The following NUMB variants were observed in gnomAD, a reference collection of about 807,000 sequenced individuals.
NUMB encodes the protein NUMB endocytic adaptor protein.
Under a neutral mutation model 59.7 loss-of-function variants are expected in NUMB, and 29 were observed. The ratio of observed to expected loss-of-function variants is 0.49; its 90% confidence interval spans 0.36 to 0.66. The LOEUF (loss-of-function observed/expected upper bound fraction) is 0.66. Ranked by LOEUF, NUMB falls within the 30% of genes least tolerant of loss-of-function variation. NUMB has a pLI of 0.00. For missense variants in NUMB, 723 were observed against 822.0 expected, an observed-to-expected ratio of 0.88 and a Z score of 1.47; for synonymous variants, 288 against 288.2, an observed-to-expected ratio of 1.00 and a Z score of 0.01.
chr14:73,285,203 GT>G (rs1382509407), intron 9 of NUMB: 1 of 152,156 alleles, frequency 6.6e-6, no homozygotes, highest in Non-Finnish European at 1.5e-5. Context: ...GCATGCAGTA[GT>G]AAAATTTTGA....
At chr14:73,381,806 GAATA>G (rs571077474) in intron 2 of NUMB, among the ~76,000 whole-genome samples, 257 of 152,050 alleles carry the variant, frequency 1.7e-3, no homozygotes, top group African/African-American at 5.9e-3. Context: ...GTTTAAAAAT[GAATA>G]AATAGTAATA....
At chr14:73,428,516 A>AG (rs772816349) in intron 1 of NUMB, among the ~76,000 whole-genome samples, 3 of 152,220 alleles carry the variant, frequency 2.0e-5, no homozygotes, top group Non-Finnish European at 4.4e-5. Context: ...AAACATGGCT[A>AG]GGCACAGCGC....
intron 1 of NUMB, among the ~76,000 whole-genome samples, chr14:73,451,410 C>A (rs2140209881): frequency 6.7e-6 from 1 of 150,220 alleles, no homozygotes; most frequent in Admixed American, 6.7e-5. Flanking sequence ...GCACTCCAGC[C>A]TGGGCAACAG....
At chr14:73,316,445 C>A (rs1276822758) in intron 5 of NUMB, 23 bp from the exon 6 acceptor site, 8 of 1,611,832 alleles carry the variant, frequency 5.0e-6, no homozygotes, top group Middle Eastern at 3.3e-4. Flanking sequence ...GGGGACAAGT[C>A]GAGTGCTATT....
At chr14:73,456,996 G>C (rs192741735) in intron 1 of NUMB, among the ~76,000 whole-genome samples, 1 of 151,778 alleles carries the variant, frequency 6.6e-6, no homozygotes, top group East Asian at 1.9e-4. Context: ...CAGTACACAC[G>C]ACTATGTGCC....
rs767484940 is a variant in NUMB, at chr14:73,279,320, G to A, written c.1201C>T (p.Pro401Ser). 3.1e-6 allele frequency: 5 copies of A among 1,614,006 alleles called. No homozygotes were observed. In the African/African-American group the frequency reaches 5.3e-5, roughly 17 times the overall value. Reference protein sequence around the residue: ...VRETNPWAHAPDAANKEIAAT... With the variant: ...VRETNPWAHASDAANKEIAAT... ...GCAATTTCCTTGTTAGCAGCATCAGGGGCATGGGCCCAAGGGTTGGTTTCA... is the reference window on the plus strand; with the variant it reads ...GCAATTTCCTTGTTAGCAGCATCAGAGGCATGGGCCCAAGGGTTGGTTTCA... The change falls in exon 12 of 13, where the codon CCT (proline) becomes TCT (serine). Residue 401 changes from proline (P) to serine (S), a missense_variant. By Grantham distance (74) the Pro-to-Ser change is moderately conservative. Around this residue, in one of 2 missense-constraint regions of NUMB, gnomAD observed 406 missense variants for 385.4 expected, o/e 1.05. Coordinates refer to ENST00000555238, the MANE Select transcript of NUMB (RefSeq NM_001005743.2).
At chr14:73,280,524 G>C (rs1888550686) in intron 11 of NUMB, among the ~76,000 whole-genome samples, 1 of 150,796 alleles carries the variant, frequency 6.6e-6, no homozygotes, top group African/African-American at 2.4e-5. Flanking sequence ...GTTAAAATCT[G>C]CTAACCCTTG....
intron 1 of NUMB, among the ~76,000 whole-genome samples, chr14:73,456,245 G>A (rs1383459205): frequency 6.6e-6 from 1 of 152,120 alleles, no homozygotes; most frequent in East Asian, 1.9e-4. Flanking sequence ...AAGTAGCTGG[G>A]ATTACAGGCA....
rs181199108 is a variant in NUMB, at chr14:73,349,104, T to C, written c.126+6522A>G. Among the ~76,000 whole-genome samples the C allele has an allele frequency of 3.3e-5, 5 of 152,352 alleles. No individual in the cohort carries two copies. The East Asian group carries it at 9.6e-4, about 29-fold the overall frequency. ...TTTTTCTTTTAACTGAACAAAATCA[T>C]ACTATATACATAGTTCTGCAGCTTG... On this transcript the variant is annotated intron_variant, in intron 4 of 12. Transcript: ENST00000555238.
chr14:73,419,696 C>T (rs575006532), intron 1 of NUMB, among the ~76,000 whole-genome samples: 29 of 152,038 alleles, frequency 1.9e-4, no homozygotes, highest in African/African-American at 7.0e-4. Flanking sequence ...AACAGAAAGT[C>T]CCACCCAAGA....
Position 73,431,256 on chromosome 14 carries a change from T to G in NUMB, c.-232-21188A>C, listed in dbSNP as rs1595031947. Among the ~76,000 whole-genome samples the G allele has an allele frequency of 2.1e-5, 3 of 145,266 alleles. No homozygotes were observed. The South Asian group carries it at 6.7e-4, about 33-fold the overall frequency. On this transcript the variant is annotated intron_variant, in intron 1 of 12. Coordinates refer to ENST00000555238, the MANE Select transcript of NUMB (RefSeq NM_001005743.2). Reference sequence around the variant, plus strand: ...AGGCATGAGCCACCGCACTTGGCTTTTCTTTTTTTTTTTTTTTGAGACAGA... The same window carrying G: ...AGGCATGAGCCACCGCACTTGGCTTGTCTTTTTTTTTTTTTTTGAGACAGA...
At chr14:73,454,878 C>T (rs1254511184) in intron 1 of NUMB, among the ~76,000 whole-genome samples, 1 of 152,110 alleles carries the variant, frequency 6.6e-6, no homozygotes, top group African/African-American at 2.4e-5. Context: ...CTCATTCTTC[C>T]ATCATTTGGT....
At chr14:73,299,736 TTAAA>T (rs975926826) in intron 6 of NUMB, among the ~76,000 whole-genome samples, 1 of 152,052 alleles carries the variant, frequency 6.6e-6, no homozygotes, top group Non-Finnish European at 1.5e-5. Context: ...TCTACAAGTA[TTAAA>T]TACTTTTTTT....
chr14:73,276,006 TATA>T lies in NUMB; in HGVS notation c.*569_*571del, dbSNP rs1258597908. 1.2e-4 allele frequency: 18 copies of T among 152,984 alleles called. No homozygotes were observed. The highest frequency in any genetic ancestry group is 3.8e-4 in the African/African-American group (16 of 41,596). The allele number at this position is 152,984 out of a possible 1,614,324, so 9.5% of individuals were successfully genotyped here. On this transcript the variant is annotated 3_prime_UTR_variant, in exon 13 of 13. Transcript: ENST00000555238. ...AATAAAGATTTTGGCTTTTGATATATATAATATTTATTCTGTTACTCAAAATGG... is the reference window on the plus strand; with the variant it reads ...AATAAAGATTTTGGCTTTTGATATATATATTTATTCTGTTACTCAAAATGG...
intron 8 of NUMB, 91 bp downstream of exon 8, chr14:73,292,643 A>G: frequency 7.7e-7 from 1 of 1,306,220 alleles, no homozygotes; most frequent in Non-Finnish European, 1.1e-6. Flanking sequence ...ACTTGTTAAA[A>G]ATGTAGTAGA....
At chr14:73,406,100 T>TTA (rs1896657883) in intron 2 of NUMB, among the ~76,000 whole-genome samples, 1 of 151,506 alleles carries the variant, frequency 6.6e-6, no homozygotes, top group African/African-American at 2.4e-5. Context: ...TTGTTTTTTT[T>TTA]TTTTTTTATT....
intron 2 of NUMB, among the ~76,000 whole-genome samples, chr14:73,400,941 C>A (rs918465964): frequency 6.6e-6 from 1 of 152,168 alleles, no homozygotes. Context: ...TCCCTGAGTT[C>A]TGTGAGCCAC....
At chr14:73,362,341 C>T (rs375038693) in intron 3 of NUMB, among the ~76,000 whole-genome samples, 1 of 151,314 alleles carries the variant, frequency 6.6e-6, no homozygotes, top group African/African-American at 2.4e-5. Flanking sequence ...CAATGGGAGA[C>T]GATTCCCAGT....
intron 1 of NUMB, among the ~76,000 whole-genome samples, chr14:73,455,305 G>A (rs1884279077): frequency 6.6e-6 from 1 of 152,088 alleles, no homozygotes; most frequent in Non-Finnish European, 1.5e-5. Flanking sequence ...TTTCAATACT[G>A]CTTCCTGTTC....
Sources: gnomAD v4.1 joint callset for allele counts (sites outside exome capture counted in the v4.1 genomes callset) on GRCh38, gnomAD v4.1.1 for gene constraint, gnomAD v4.1.1 regional missense constraint, MANE v1.5 for transcripts, NCBI Gene and HGNC (gene_info 2026-07-23, HGNC 2026-07-21) for gene names.